Variants in FARP2 observed in about 807,000 individuals in gnomAD.
FARP2 encodes the protein FERM, ARHGEF and pleckstrin domain-containing protein 2.
In FARP2, 111 loss-of-function variants were observed where a neutral mutation model predicts 130.5. That is an observed-to-expected ratio of 0.85 (90% CI 0.73 to 1.00). FARP2 has a LOEUF of 1.00. Ranked by LOEUF, FARP2 falls within the 50% of genes least tolerant of loss-of-function variation. The pLI is 0.00. For missense variants in FARP2, 1,385 were observed against 1,346.3 expected, an observed-to-expected ratio of 1.03 and a Z score of -0.45; for synonymous variants, 504 against 516.9, an observed-to-expected ratio of 0.98 and a Z score of 0.34.
intron 1 of FARP2, among the ~76,000 whole-genome samples, chr2:241,362,714 C>T (rs1332877247): frequency 6.6e-6 from 1 of 152,168 alleles, no homozygotes; most frequent in Non-Finnish European, 1.5e-5. Context: ...TAAGTAATGG[C>T]ATACTGTAGG....
intron 11 of FARP2, 53 bp downstream of exon 11, chr2:241,435,083 A>AAT (rs2063190650): frequency 1.9e-6 from 2 of 1,079,554 alleles, no homozygotes; most frequent in African/African-American, 1.6e-5. Flanking sequence ...TTAAAATTTA[A>AAT]ATATATATAT....
At position 241,475,808 on chromosome 2, in the gene FARP2, T is replaced by A; in HGVS notation, c.2132-49T>A. The A allele has an allele frequency of 6.6e-7, 1 of 1,511,336 alleles. No homozygotes were observed. The highest frequency in any genetic ancestry group is 8.9e-7 in the Non-Finnish European group (1 of 1,126,888). 93.6% of individuals were successfully genotyped at this position (1,511,336 alleles called of 1,614,324 possible). On this transcript the variant is annotated intron_variant, in intron 18 of 26. Transcript: ENST00000264042. The surrounding 1 kb of genome is among the most constrained non-coding windows in gnomAD (Gnocchi z 4.4). Reference sequence around the variant, plus strand: ...TCACAAGGTGGTGGGTGGAGGGTGCTGTGCACACCACTGCCTGTACACCTG... The same window carrying A: ...TCACAAGGTGGTGGGTGGAGGGTGCAGTGCACACCACTGCCTGTACACCTG...
rs2063955911 is a variant in FARP2 at position 241,459,556 on chromosome 2, G to A, written c.1587+2634G>A. ...AGATTTGTGAGGATCGGCCACAGTCGAAAGGTAGGAAAGCCAAAGGTGGCA... is the reference window on the plus strand; with the variant it reads ...AGATTTGTGAGGATCGGCCACAGTCAAAAGGTAGGAAAGCCAAAGGTGGCA... On this transcript the variant is annotated intron_variant, in intron 14 of 26. Transcript: ENST00000264042. The surrounding 1 kb of genome is among the most constrained non-coding windows in gnomAD (Gnocchi z 5.3). Among the ~76,000 whole-genome samples, 1 of 152,180 alleles carries A rather than the reference G, an allele frequency of 6.6e-6. No individual in the cohort carries two copies. Among genetic ancestry groups the A allele is most frequent in the Admixed American group, 6.5e-5 (1 of 15,286 alleles).
intron 2 of FARP2, among the ~76,000 whole-genome samples, chr2:241,401,282 A>G (rs750624221): frequency 2.0e-5 from 3 of 152,172 alleles, no homozygotes; most frequent in Non-Finnish European, 4.4e-5. Context: ...TTGTTTATTA[A>G]TTGTGAAGAT....
At chr2:241,477,699 G>A (rs1039681150) in intron 19 of FARP2, among the ~76,000 whole-genome samples, 8 of 152,288 alleles carry the variant, frequency 5.3e-5, no homozygotes, top group Admixed American at 3.3e-4. Context: ...CCACCAACTC[G>A]TATGAGACTT....
intron 12 of FARP2, among the ~76,000 whole-genome samples, chr2:241,439,425 G>C (rs1325258159): frequency 6.6e-6 from 1 of 151,992 alleles, no homozygotes; most frequent in African/African-American, 2.4e-5. Flanking sequence ...CACCTCCCGG[G>C]TTCAAGTGAT....
chr2:241,375,869 A>G (rs1161868474), intron 2 of FARP2, among the ~76,000 whole-genome samples: 7 of 152,104 alleles, frequency 4.6e-5, no homozygotes, highest in Non-Finnish European at 1.5e-5. Context: ...CTAGGACTAC[A>G]GGTGTGAGCC....
chr2:241,462,684 T>TTTTTTTTC (rs1491541924), intron 15 of FARP2, 72 bp downstream of exon 15: 17 of 1,048,726 alleles, frequency 1.6e-5, no homozygotes, highest in African/African-American at 1.5e-4. Flanking sequence ...GAAATATCTC[T>TTTTTTTTC]TTTTTTTCTT....
At chr2:241,478,456 C>A in intron 19 of FARP2, 1 of 267,144 alleles carries the variant, frequency 3.7e-6, no homozygotes, top group South Asian at 4.1e-5. Context: ...ACATTGGTGG[C>A]ACCTACTTTC....
intron 17 of FARP2, chr2:241,466,376 A>G (rs1215137270): frequency 2.0e-6 from 2 of 985,274 alleles, no homozygotes; most frequent in South Asian, 4.7e-5. Context: ...GATTGAAGCC[A>G]TGACCAGGTG....
At chr2:241,402,396 A>G (rs760455302) in intron 2 of FARP2, among the ~76,000 whole-genome samples, 2 of 152,180 alleles carry the variant, frequency 1.3e-5, no homozygotes, top group Admixed American at 6.5e-5. Context: ...TTAAATGCAT[A>G]GTAGCCATTT....
chr2:241,416,206 G>A (rs2062666181), intron 7 of FARP2, among the ~76,000 whole-genome samples: 3 of 152,182 alleles, frequency 2.0e-5, no homozygotes, highest in South Asian at 4.1e-4. Flanking sequence ...ACATGTTCTT[G>A]TGCCTGTGTC....
intron 9 of FARP2, 44 bp downstream of exon 9, chr2:241,431,818 AT>A: frequency 1.5e-6 from 1 of 678,548 alleles, no homozygotes; most frequent in Non-Finnish European, 2.1e-6. Flanking sequence ...TATTTTATTT[AT>A]TTATTTATTT....
chr2:241,455,542 G>C (rs376024552), intron 13 of FARP2, among the ~76,000 whole-genome samples: 1 of 151,776 alleles, frequency 6.6e-6, no homozygotes, highest in Non-Finnish European at 1.5e-5. Context: ...CGCCATGCCC[G>C]GCTAATTTTT....
rs370684869 is a variant in FARP2, at chr2:241,380,661, A to G, written c.183+7371A>G. Among the ~76,000 whole-genome samples, 64 of 150,718 alleles carry G rather than the reference A, an allele frequency of 4.2e-4. No individual in the cohort carries two copies. In the East Asian group the frequency reaches 4.3e-3, roughly 10 times the overall value. ...AATTTTTTGAATTTTGGAGCATTTC[A>G]GATTTCAGATTATTATATTATAATA... On this transcript the variant is annotated intron_variant, in intron 2 of 26. Coordinates refer to ENST00000264042, the MANE Select transcript of FARP2 (RefSeq NM_014808.4).
At chr2:241,359,461 C>G (rs1016498407) in intron 1 of FARP2, among the ~76,000 whole-genome samples, 5 of 152,202 alleles carry the variant, frequency 3.3e-5, no homozygotes, top group Admixed American at 3.3e-4. Context: ...TCGCGCAGCA[C>G]AACCCCAGGC....
At chr2:241,410,898 G>T (rs1038492899) in intron 5 of FARP2, 135 bp from the exon 6 acceptor site, 43 of 619,968 alleles carry the variant, frequency 6.9e-5, no homozygotes, top group Admixed American at 2.6e-5. Flanking sequence ...TTTCGTGACC[G>T]CCTTGCGTTT....
In FARP2 at chr2:241,482,936, C is replaced by G. The variant is rs781326258; in HGVS notation, c.2263-529C>G. ...TGCTAATTTGAATACTTAGGAGAAC[C>G]CTCCTTTCCTCCTCCCATTCTCGAA... is the stretch of plus-strand genomic sequence containing the variant. On this transcript the variant is annotated intron_variant, in intron 19 of 26. Transcript: ENST00000264042. The surrounding 1 kb of genome is among the most constrained non-coding windows in gnomAD (Gnocchi z 4.6). 6.6e-6 allele frequency among the ~76,000 whole-genome samples: 1 copy of G among 151,872 alleles called. No homozygotes were observed. The highest frequency in any genetic ancestry group is 1.5e-5 in the Non-Finnish European group (1 of 67,990).
At chr2:241,405,546 T>C (rs1417175599) in intron 4 of FARP2, 1 of 152,220 alleles carries the variant, frequency 6.6e-6, no homozygotes, top group Admixed American at 6.5e-5. Flanking sequence ...AACAAGGATC[T>C]CTGAGGAAAG....
Sources: gnomAD v4.1 joint callset for allele counts (sites outside exome capture counted in the v4.1 genomes callset) on GRCh38, gnomAD v4.1.1 for gene constraint, Gnocchi (gnomAD v3.1) non-coding constraint, MANE v1.5 for transcripts, NCBI Gene and HGNC (gene_info 2026-07-23, HGNC 2026-07-21) for gene names.